HTR2C: variants seen among roughly 807,000 people sequenced by gnomAD.
HTR2C encodes the protein 5-hydroxytryptamine (serotonin) receptor 2C, G protein-coupled.
Under a neutral mutation model 21.0 loss-of-function variants are expected in HTR2C, and 5 were observed. The observed-to-expected ratio is 0.24, with a 90% CI of 0.12 to 0.50. HTR2C has a LOEUF of 0.50. Among genes scored for constraint, HTR2C ranks in the 20% least tolerant of loss-of-function variants. HTR2C has a pLI of 0.98. For synonymous variants in HTR2C, 150 were observed against 145.3 expected (o/e 1.03, Z -0.23); for missense variants, 271 against 371.2 (o/e 0.73, Z 2.22).
At chrX:114,745,399 C>T (rs1026685188) in intron 4 of HTR2C, among the ~76,000 whole-genome samples, 3 of 111,912 alleles carry the variant, frequency 2.7e-5, no homozygotes, top group Non-Finnish European at 5.6e-5. Context: ...TTTGGAGGTT[C>T]CTCGATAAAC....
In HTR2C at chrX:114,671,867, TA is replaced by T. The variant is rs1931389193; in HGVS notation, c.-79-54986del. Among the ~76,000 whole-genome samples the T allele has an allele frequency of 4.5e-5, 5 of 111,860 alleles. No homozygotes were observed. In the South Asian group the frequency reaches 1.8e-3, roughly 41 times the overall value. On this transcript the variant is annotated intron_variant, in intron 2 of 5. Coordinates refer to ENST00000276198, the MANE Select transcript of HTR2C (RefSeq NM_000868.4). ...TTCAAATACCTTATAATATTTTCTT[TA>T]AAAATAGCAATAGTTGTATTCACTC...
At chrX:114,753,474 T>C (rs1484135169) in intron 4 of HTR2C, among the ~76,000 whole-genome samples, 2 of 111,640 alleles carry the variant, frequency 1.8e-5, no homozygotes, top group African/African-American at 6.5e-5. Flanking sequence ...AAGAGGCATA[T>C]ATATTAGAAA....
chrX:114,685,590 G>T (rs1402463180), intron 2 of HTR2C, among the ~76,000 whole-genome samples: 3 of 111,669 alleles, frequency 2.7e-5, no homozygotes, highest in Non-Finnish European at 5.7e-5. Flanking sequence ...ACAGTAACCC[G>T]CCACCAGAGG....
intron 5 of HTR2C, among the ~76,000 whole-genome samples, chrX:114,900,825 A>C: frequency 9.0e-6 from 1 of 111,242 alleles, no homozygotes; most frequent in East Asian, 2.8e-4. Flanking sequence ...ATCACCAATG[A>C]CCTCTTCATT....
At chrX:114,683,361 T>C (rs1222076864) in intron 2 of HTR2C, among the ~76,000 whole-genome samples, 1 of 84,234 alleles carries the variant, frequency 1.2e-5, no homozygotes, top group Non-Finnish European at 2.3e-5. Context: ...AATGCCATAT[T>C]GAGACTTTTA....
At chrX:114,805,985 T>C (rs2070421430) in intron 4 of HTR2C, among the ~76,000 whole-genome samples, 1 of 96,786 alleles carries the variant, frequency 1.0e-5, no homozygotes, top group Admixed American at 1.2e-4. Flanking sequence ...ACACCATATA[T>C]ATACACCATA....
chrX:114,665,420 A>G (rs1931141295), intron 2 of HTR2C, among the ~76,000 whole-genome samples: 1 of 112,097 alleles, frequency 8.9e-6, no homozygotes, highest in African/African-American at 3.2e-5. Context: ...ATTTAAATAC[A>G]GTTGGCCCTT....
chrX:114,658,288 A>G (rs1404246027), intron 2 of HTR2C, among the ~76,000 whole-genome samples: 1 of 111,919 alleles, frequency 8.9e-6, no homozygotes. Flanking sequence ...AAGGATAGCA[A>G]TGACAGTTTC....
rs781970424 is a variant in HTR2C at position 114,621,429 on chromosome X, T to G, written c.-80+7548T>G. Among the ~76,000 whole-genome samples, 14 of 112,303 alleles carry G rather than the reference T, an allele frequency of 1.2e-4. No homozygotes were observed. In the South Asian group the frequency reaches 4.4e-3, roughly 35 times the overall value. ...AATTTTATGAACACTGAAATTTGAA[T>G]TTCCTACAATTTTCCCATATCATGA... is the stretch of plus-strand genomic sequence containing the variant. On this transcript the variant is annotated intron_variant, in intron 2 of 5. Transcript: ENST00000276198.
chrX:114,687,216 G>A (rs782420027), intron 2 of HTR2C, among the ~76,000 whole-genome samples: 3 of 112,498 alleles, frequency 2.7e-5, no homozygotes, highest in African/African-American at 9.6e-5. Context: ...ATACGAAGTG[G>A]GAAATACAGA....
In HTR2C at chrX:114,712,680, A is replaced by C. The variant is rs781940650; in HGVS notation, c.-79-14178A>C. Among the ~76,000 whole-genome samples the C allele has an allele frequency of 9.0e-5, 10 of 111,715 alleles. No individual in the cohort carries two copies. The South Asian group carries it at 3.3e-3, about 37-fold the overall frequency. On this transcript the variant is annotated intron_variant, in intron 2 of 5. Coordinates refer to ENST00000276198, the MANE Select transcript of HTR2C (RefSeq NM_000868.4). ...CACCTCCCCAGGGAGAGCTTAGATG[A>C]GAGAGCTCATGTTGTCGTCAGCTGT...
At chrX:114,704,044 C>A (rs1602701494) in intron 2 of HTR2C, among the ~76,000 whole-genome samples, 1 of 111,199 alleles carries the variant, frequency 9.0e-6, no homozygotes, top group Non-Finnish European at 1.9e-5. Context: ...CAATAACAGC[C>A]TCTGAAATTG....
At chrX:114,902,135 G>A (rs1310569667) in intron 5 of HTR2C, among the ~76,000 whole-genome samples, 1 of 111,615 alleles carries the variant, frequency 9.0e-6, no homozygotes, top group Non-Finnish European at 1.9e-5. Flanking sequence ...TGTGCCTTGC[G>A]GAATTTTTAT....
chrX:114,831,636 C>T (rs1304864994), intron 4 of HTR2C, among the ~76,000 whole-genome samples: 1 of 107,287 alleles, frequency 9.3e-6, no homozygotes, highest in Non-Finnish European at 1.9e-5. Context: ...AATTTTCTCC[C>T]ATTTTGCAGG....
chrX:114,724,963 T>A (rs1556421553), intron 2 of HTR2C, among the ~76,000 whole-genome samples: 2 of 110,432 alleles, frequency 1.8e-5, no homozygotes, highest in African/African-American at 6.6e-5. Context: ...TTCCTTCATT[T>A]CAACTTTGGT....
chrX:114,797,967 C>A (rs1556445734), intron 4 of HTR2C, among the ~76,000 whole-genome samples: 2 of 111,487 alleles, frequency 1.8e-5, no homozygotes, highest in Non-Finnish European at 3.8e-5. Flanking sequence ...CTTCGGAAAT[C>A]ACAAATTTTG....
intron 2 of HTR2C, among the ~76,000 whole-genome samples, chrX:114,696,079 C>T (rs1340066661): frequency 1.8e-5 from 2 of 111,416 alleles, no homozygotes; most frequent in Non-Finnish European, 3.8e-5. Context: ...TTAGTCAATT[C>T]CTCAAAGTCC....
At chrX:114,591,097 CTTAA>C (rs1228635151) in intron 1 of HTR2C, among the ~76,000 whole-genome samples, 4 of 110,920 alleles carry the variant, frequency 3.6e-5, no homozygotes, top group Non-Finnish European at 1.9e-5. Flanking sequence ...TTTTTTTTAT[CTTAA>C]TTAAACAGTT....
chrX:114,664,314 C>T (rs1931098405), intron 2 of HTR2C, among the ~76,000 whole-genome samples: 3 of 111,506 alleles, frequency 2.7e-5, no homozygotes, highest in South Asian at 7.5e-4. Flanking sequence ...TAGATCAACC[C>T]ATCACCTAGG....
Sources: allele counts gnomAD v4.1 joint callset (sites outside exome capture counted in the v4.1 genomes callset), GRCh38; gene constraint gnomAD v4.1.1; transcripts MANE v1.5; gene names NCBI Gene and HGNC (gene_info 2026-07-23, HGNC 2026-07-21).